The following CSMD2 variants were observed in gnomAD, a reference collection of about 807,000 sequenced individuals.
CSMD2 encodes CUB and sushi domain-containing protein 2.
Under a neutral mutation model 398.5 loss-of-function variants are expected in CSMD2, and 130 were observed. The observed-to-expected ratio is 0.33, with a 90% CI of 0.28 to 0.38. The LOEUF (loss-of-function observed/expected upper bound fraction) is 0.38. Among genes scored for constraint, CSMD2 ranks in the 10% least tolerant of loss-of-function variants. The pLI is 1.00. For missense variants in CSMD2, 3,829 were observed against 4,764.9 expected, an observed-to-expected ratio of 0.80 and a Z score of 5.78; for synonymous variants, 1,828 against 1,908.5, an observed-to-expected ratio of 0.96 and a Z score of 1.10.
In CSMD2 at chr1:33,890,916, A is replaced by G. The variant is rs534707058; in HGVS notation, c.920+27178T>C. Reference sequence around the variant, plus strand: ...TAATTCAAGATGGATTAAAGACTTAAATAAACGTTAGACCTAAAACCATAA... The same window carrying G: ...TAATTCAAGATGGATTAAAGACTTAGATAAACGTTAGACCTAAAACCATAA... On this transcript the variant is annotated intron_variant, in intron 5 of 70. Coordinates refer to ENST00000373381, the MANE Select transcript of CSMD2 (RefSeq NM_001281956.2). 1.2e-4 allele frequency among the ~76,000 whole-genome samples: 19 copies of G among 152,348 alleles called. No individual in the cohort carries two copies. In the South Asian group the frequency reaches 3.9e-3, roughly 32 times the overall value.
At chr1:33,946,804 T>G (rs1644854610) in intron 3 of CSMD2, among the ~76,000 whole-genome samples, 5 of 150,026 alleles carry the variant, frequency 3.3e-5, no homozygotes, top group Admixed American at 1.3e-4. Context: ...TTTTTTTTTT[T>G]TGTATTTTTA....
intron 1 of CSMD2, among the ~76,000 whole-genome samples, chr1:34,104,279 TG>T (rs1315124670): frequency 3.3e-5 from 5 of 152,270 alleles, no homozygotes; most frequent in Non-Finnish European, 7.3e-5. Context: ...GCCAGGTTTC[TG>T]AACACTTATT....
intron 50 of CSMD2, 106 bp downstream of exon 50, chr1:33,572,400 T>G: frequency 9.7e-7 from 1 of 1,034,736 alleles, no homozygotes; most frequent in East Asian, 2.5e-5. Flanking sequence ...TGTTTTTTTT[T>G]TTTTTTCCCC....
rs1417136657 is a variant in CSMD2, at chr1:33,790,807, AT to A, written c.1550+1615del. Reference sequence around the variant, plus strand: ...ATCGTCTATCATCTCTCTAATATCTATCTATCTATCTATCTATCTATCTATC... The same window carrying A: ...ATCGTCTATCATCTCTCTAATATCTACTATCTATCTATCTATCTATCTATC... On this transcript the variant is annotated intron_variant, in intron 11 of 70. Coordinates refer to ENST00000373381, the MANE Select transcript of CSMD2 (RefSeq NM_001281956.2). 8.3e-4 allele frequency among the ~76,000 whole-genome samples: 97 copies of A among 117,462 alleles called. No individual in the cohort carries two copies. In the East Asian group the frequency reaches 0.023, roughly 27 times the overall value. The allele number at this position is 117,462 out of a possible 152,430, so 77.1% of individuals were successfully genotyped here.
At position 33,739,639 on chromosome 1, in the gene CSMD2, G is replaced by C. The variant is rs559298558; in HGVS notation, c.2174-305C>G. On this transcript the variant is annotated intron_variant, in intron 14 of 70. Coordinates refer to ENST00000373381, the MANE Select transcript of CSMD2 (RefSeq NM_001281956.2). ...CACCACATAATGATTCTATGAAGTA[G>C]CTCTTGTTACCCTACTTTACAAATG... is the stretch of plus-strand genomic sequence containing the variant. Among the ~76,000 whole-genome samples the C allele has an allele frequency of 1.6e-4, 24 of 152,306 alleles. 1 individual carries two copies. The highest frequency in any genetic ancestry group is 4.8e-4 in the African/African-American group (20 of 41,560).
intron 55 of CSMD2, among the ~76,000 whole-genome samples, chr1:33,554,118 A>C (rs1346819591): frequency 2.0e-5 from 3 of 151,804 alleles, no homozygotes; most frequent in African/African-American, 7.3e-5. Context: ...TATCCAGAAG[A>C]TCTAGCTAAG....
chr1:34,150,024 A>G (rs1217390906), intron 1 of CSMD2, among the ~76,000 whole-genome samples: 5 of 151,630 alleles, frequency 3.3e-5, no homozygotes, highest in African/African-American at 1.2e-4. Flanking sequence ...CTGCTCTCAG[A>G]TCCTCTGATT....
intron 25 of CSMD2, among the ~76,000 whole-genome samples, chr1:33,667,781 G>C (rs915696917): frequency 1.3e-5 from 2 of 152,178 alleles, no homozygotes; most frequent in African/African-American, 4.8e-5. Context: ...CTGTGTGCAC[G>C]AACAATACAA....
chr1:33,805,463 A>G (rs1226885650), intron 10 of CSMD2, among the ~76,000 whole-genome samples: 1 of 152,238 alleles, frequency 6.6e-6, no homozygotes, highest in Admixed American at 6.5e-5. Flanking sequence ...CGGACCAAAC[A>G]ATTTTAAAGT....
intron 44 of CSMD2, among the ~76,000 whole-genome samples, chr1:33,587,619 G>A (rs1451377737): frequency 2.0e-5 from 3 of 152,242 alleles, no homozygotes; most frequent in African/African-American, 7.2e-5. Context: ...AGGTCTGGCT[G>A]TTCCCAAACC....
intron 1 of CSMD2, among the ~76,000 whole-genome samples, chr1:34,155,687 T>C (rs1241145455): frequency 6.6e-6 from 1 of 152,192 alleles, no homozygotes; most frequent in Non-Finnish European, 1.5e-5. Context: ...CCTGGCAAGC[T>C]GTCTGCAGAG....
intron 3 of CSMD2, among the ~76,000 whole-genome samples, chr1:33,958,900 CAGTT>C (rs1645256467): frequency 6.6e-6 from 1 of 152,154 alleles, no homozygotes; most frequent in South Asian, 2.1e-4. Flanking sequence ...AAAGCTGAAA[CAGTT>C]AGTGTTTAAG....
chr1:33,768,542 G>C (rs974313345), intron 13 of CSMD2, among the ~76,000 whole-genome samples: 1 of 78,846 alleles, frequency 1.3e-5, no homozygotes, highest in African/African-American at 5.8e-5. Flanking sequence ...GTGCATGTGT[G>C]TGTGTGTGTG....
intron 1 of CSMD2, among the ~76,000 whole-genome samples, chr1:34,103,776 A>ACACAC (rs3044851): frequency 1.3e-5 from 2 of 151,586 alleles, no homozygotes; most frequent in East Asian, 1.9e-4. Context: ...ACACACACAC[A>ACACAC]ATTACTTTTG....
At chr1:33,747,382 T>C (rs1647532377) in intron 13 of CSMD2, among the ~76,000 whole-genome samples, 2 of 152,242 alleles carry the variant, frequency 1.3e-5, no homozygotes, top group East Asian at 3.8e-4. Context: ...AGCAAGGAGA[T>C]ATGCTAATTT....
intron 15 of CSMD2, among the ~76,000 whole-genome samples, chr1:33,728,458 TCTTA>T (rs1269980942): frequency 6.6e-6 from 1 of 152,190 alleles, no homozygotes; most frequent in African/African-American, 2.4e-5. Flanking sequence ...AGTCGTCAAC[TCTTA>T]CTGATGACTT....
intron 9 of CSMD2, 110 bp from the exon 10 acceptor site, chr1:33,810,974 G>T: frequency 8.1e-7 from 1 of 1,239,186 alleles, no homozygotes; most frequent in Non-Finnish European, 1.1e-6. Flanking sequence ...TCCCACCCTG[G>T]ACATAACCTT....
rs534715499 is a variant in CSMD2 at position 33,847,400 on chromosome 1, C to T, written c.921-404G>A. Among the ~76,000 whole-genome samples the T allele has an allele frequency of 5.9e-4, 89 of 152,070 alleles. 1 individual carries two copies. The Middle Eastern group carries it at 0.01, about 18-fold the overall frequency. On this transcript the variant is annotated intron_variant, in intron 5 of 70. Transcript: ENST00000373381. ...ACTTTGGGAAGCCCCTTAAGTATCA[C>T]ATCTGCAGTAAAGCATTCCCTACTC...
At chr1:33,895,619 C>T (rs1359891948) in intron 5 of CSMD2, among the ~76,000 whole-genome samples, 2 of 152,090 alleles carry the variant, frequency 1.3e-5, no homozygotes, top group Non-Finnish European at 1.5e-5. Context: ...CTTGAGCCCG[C>T]CCTCTGGAGA....
Sources: allele counts gnomAD v4.1 joint callset (sites outside exome capture counted in the v4.1 genomes callset), GRCh38; gene constraint gnomAD v4.1.1; transcripts MANE v1.5; gene names NCBI Gene and HGNC (gene_info 2026-07-23, HGNC 2026-07-21).